Variants in KCNU1 observed in about 807,000 individuals in gnomAD.
KCNU1 encodes potassium calcium-activated channel subfamily U member 1.
Under a neutral mutation model 126.8 loss-of-function variants are expected in KCNU1, and 93 were observed. That is an observed-to-expected ratio of 0.73 (90% CI 0.62 to 0.87). The LOEUF (loss-of-function observed/expected upper bound fraction) is 0.87, where lower values mean the gene tolerates loss of function less well. Ranked by LOEUF, KCNU1 falls within the 40% of genes least tolerant of loss-of-function variation. KCNU1 has a pLI of 0.00. For synonymous variants in KCNU1, 523 were observed against 494.2 expected, an observed-to-expected ratio of 1.06 and a Z score of -0.77; for missense variants, 1,330 against 1,367.1, an observed-to-expected ratio of 0.97 and a Z score of 0.43.
intron 24 of KCNU1, among the ~76,000 whole-genome samples, chr8:36,929,970 G>T (rs1808650652): frequency 6.6e-6 from 1 of 152,106 alleles, no homozygotes. Context: ...GATTTCAGAA[G>T]ATGGATCCCT....
chr8:36,874,621 A>G (rs1175304952), intron 19 of KCNU1, among the ~76,000 whole-genome samples: 1 of 152,150 alleles, frequency 6.6e-6, no homozygotes, highest in African/African-American at 2.4e-5. Context: ...TCTGTGGGTT[A>G]GGTGAGGACA....
At chr8:36,789,156 G>A (rs1001065102) in intron 2 of KCNU1, among the ~76,000 whole-genome samples, 4 of 152,202 alleles carry the variant, frequency 2.6e-5, no homozygotes, top group Non-Finnish European at 5.9e-5. Flanking sequence ...AGGAGATCAA[G>A]ACCAGCTTGA....
At chr8:36,928,982 G>A (rs1377969910) in intron 24 of KCNU1, 1 of 698,586 alleles carries the variant, frequency 1.4e-6, no homozygotes, top group Admixed American at 2.0e-5. Context: ...CAATGATAAA[G>A]AAAACAGAAT....
At chr8:36,927,858 C>T (rs904681958) in intron 24 of KCNU1, among the ~76,000 whole-genome samples, 2 of 151,700 alleles carry the variant, frequency 1.3e-5, no homozygotes, top group Admixed American at 6.6e-5. Context: ...ATTTCAAGTG[C>T]CCTTCAACTT....
rs1225690182 is a variant in KCNU1 at position 36,907,735 on chromosome 8, A to T, written c.2107-1576A>T. Among the ~76,000 whole-genome samples the T allele has an allele frequency of 2.0e-5, 3 of 152,318 alleles. No homozygotes were observed. The East Asian group carries it at 5.8e-4, about 29-fold the overall frequency. ...ATAGAAGATTGCCATTTAACCCAGC[A>T]AAGGACTGGCATAAAGAAGAATGAT... On this transcript the variant is annotated intron_variant, in intron 20 of 26. Coordinates refer to ENST00000399881, the MANE Select transcript of KCNU1 (RefSeq NM_001031836.3).
chr8:36,852,256 G>A (rs934237557), intron 18 of KCNU1, among the ~76,000 whole-genome samples: 1 of 152,024 alleles, frequency 6.6e-6, no homozygotes, highest in African/African-American at 2.4e-5. Context: ...TTTATACATT[G>A]TTGGGTTTGA....
chr8:36,841,784 G>C (rs935680919), intron 16 of KCNU1, among the ~76,000 whole-genome samples: 3 of 152,108 alleles, frequency 2.0e-5, no homozygotes, highest in African/African-American at 7.2e-5. Flanking sequence ...TGTTGATAGA[G>C]TTGATAAAGG....
At chr8:36,904,940 T>C (rs1807564837) in intron 19 of KCNU1, among the ~76,000 whole-genome samples, 1 of 152,170 alleles carries the variant, frequency 6.6e-6, no homozygotes, top group Non-Finnish European at 1.5e-5. Flanking sequence ...AGCCTAGATT[T>C]TTCCTGGCTG....
intron 19 of KCNU1, among the ~76,000 whole-genome samples, chr8:36,894,238 T>A (rs987583348): frequency 6.6e-6 from 1 of 152,192 alleles, no homozygotes; most frequent in African/African-American, 2.4e-5. Context: ...CTACAATATA[T>A]GTTGATATTA....
chr8:36,901,153 C>T (rs1807402232), intron 19 of KCNU1, among the ~76,000 whole-genome samples: 1 of 151,824 alleles, frequency 6.6e-6, no homozygotes, highest in South Asian at 2.1e-4. Flanking sequence ...TTTGGCAGAT[C>T]ACCTTCAAGA....
chr8:36,922,264 C>T (rs1478800654), intron 23 of KCNU1, among the ~76,000 whole-genome samples: 4 of 152,044 alleles, frequency 2.6e-5, no homozygotes, highest in African/African-American at 9.7e-5. Flanking sequence ...AGCAATGTCC[C>T]CTTGATGGTG....
At chr8:36,924,623 A>C (rs932902293) in intron 24 of KCNU1, among the ~76,000 whole-genome samples, 2 of 152,212 alleles carry the variant, frequency 1.3e-5, no homozygotes, top group African/African-American at 4.8e-5. Flanking sequence ...GTACTAGAGG[A>C]AGTCAAGTCA....
At chr8:36,890,320 A>G (rs937562578) in intron 19 of KCNU1, among the ~76,000 whole-genome samples, 1 of 152,044 alleles carries the variant, frequency 6.6e-6, no homozygotes, top group African/African-American at 2.4e-5. Context: ...TGAGGTGACC[A>G]ATATACCTAG....
chr8:36,891,307 T>C (rs915297055), intron 19 of KCNU1, among the ~76,000 whole-genome samples: 1 of 152,044 alleles, frequency 6.6e-6, no homozygotes. Flanking sequence ...ATTTTACTTC[T>C]ATGTAGCTCC....
intron 10 of KCNU1, among the ~76,000 whole-genome samples, chr8:36,822,242 A>G (rs574617980): frequency 7.9e-5 from 12 of 152,248 alleles, no homozygotes; most frequent in Non-Finnish European, 1.6e-4. Flanking sequence ...ATGTATGTAT[A>G]TATGTATCAA....
Position 36,863,702 on chromosome 8 carries a change from A to T in KCNU1, c.1892-702A>T, listed in dbSNP as rs1031498954. 2.0e-5 allele frequency among the ~76,000 whole-genome samples: 3 copies of T among 152,140 alleles called. No homozygotes were observed. The East Asian group carries it at 5.8e-4, about 29-fold the overall frequency. On this transcript the variant is annotated intron_variant, in intron 18 of 26. Transcript: ENST00000399881. ...AAGAACTGCATGATTGTATATCAAC[A>T]TATGGGTTCAGGAAGAAGTAATGGC...
At chr8:36,878,385 G>A (rs1176521729) in intron 19 of KCNU1, among the ~76,000 whole-genome samples, 1 of 152,162 alleles carries the variant, frequency 6.6e-6, no homozygotes, top group Non-Finnish European at 1.5e-5. Context: ...GTCCATGTGA[G>A]CTGTGGTGTA....
At chr8:36,928,950 G>A in intron 24 of KCNU1, 1 of 691,854 alleles carries the variant, frequency 1.4e-6, no homozygotes, top group South Asian at 1.5e-5. Context: ...TATCACTTCA[G>A]ATGATCCAGA....
At chr8:36,834,741 C>A in intron 11 of KCNU1, 45 bp from the exon 12 acceptor site, 1 of 1,262,124 alleles carries the variant, frequency 7.9e-7, no homozygotes, top group Non-Finnish European at 1.1e-6. Flanking sequence ...CAGAGCATTT[C>A]CCATGTAATT....
Sources: gnomAD v4.1 joint callset for allele counts (sites outside exome capture counted in the v4.1 genomes callset) on GRCh38, gnomAD v4.1.1 for gene constraint, MANE v1.5 for transcripts, NCBI Gene and HGNC (gene_info 2026-07-23, HGNC 2026-07-21) for gene names.